The following SMAD3 variants were observed in gnomAD, a reference collection of about 807,000 sequenced individuals.
SMAD3 encodes MAD homolog 3.
In SMAD3, 12 loss-of-function variants were observed where a neutral mutation model predicts 51.8. The ratio of observed to expected loss-of-function variants is 0.23; its 90% CI spans 0.15 to 0.38. The LOEUF (loss-of-function observed/expected upper bound fraction) is 0.38. Ranked by LOEUF, SMAD3 falls within the 10% of genes least tolerant of loss-of-function variation. The pLI is 1.00. For synonymous variants in SMAD3, 238 were observed against 227.7 expected (o/e 1.05, Z -0.41); for missense variants, 294 against 565.6 (o/e 0.52, Z 4.87).
In SMAD3 at chr15:67,181,471, T is replaced by TTGG; in HGVS notation, c.871+18_871+19insTGG. On this transcript the variant is annotated intron_variant, in intron 6 of 8. Transcript: ENST00000327367. ...ACACATCGGTATGGGGTGGCTCCAT[T>TTGG]CCCCGCCCCCCCACCCTGCCCCTGC... 3 of 1,521,110 alleles carry TTGG rather than the reference T, an allele frequency of 2.0e-6. No homozygotes were observed. Among genetic ancestry groups the TTGG allele is most frequent in the Non-Finnish European group, 2.7e-6 (3 of 1,132,012 alleles). The allele number at this position is 1,521,110 out of a possible 1,614,324, so 94.2% of individuals were successfully genotyped here.
At chr15:67,187,133 A>C in intron 7 of SMAD3, 1 of 666,066 alleles carries the variant, frequency 1.5e-6, no homozygotes, top group Non-Finnish European at 2.8e-6. Context: ...CCTTGCAGGT[A>C]TGTCAGTGGC....
chr15:67,170,840 G>C (rs1309259572), intron 5 of SMAD3, among the ~76,000 whole-genome samples: 5 of 152,214 alleles, frequency 3.3e-5, no homozygotes, highest in African/African-American at 4.8e-5. Flanking sequence ...TCCCCTGGGG[G>C]GCGGGTAGAC....
chr15:67,109,230 G>A (rs1960947779), intron 1 of SMAD3, among the ~76,000 whole-genome samples: 1 of 152,166 alleles, frequency 6.6e-6, no homozygotes, highest in South Asian at 2.1e-4. Context: ...TAAGTTCTTT[G>A]TGTGTGCAAA....
At chr15:67,127,399 C>T (rs894496420) in intron 1 of SMAD3, among the ~76,000 whole-genome samples, 30 of 152,196 alleles carry the variant, frequency 2.0e-4, no homozygotes, top group African/African-American at 7.2e-4. Flanking sequence ...AGTCCTGTTC[C>T]TCCTCAGGCA....
chr15:67,088,233 G>A (rs1171414470), intron 1 of SMAD3, among the ~76,000 whole-genome samples: 8 of 152,178 alleles, frequency 5.3e-5, no homozygotes, highest in Non-Finnish European at 5.9e-5. Context: ...CCAGAAGATG[G>A]GTGCACAGTA....
intron 1 of SMAD3, among the ~76,000 whole-genome samples, chr15:67,072,688 G>A (rs567911032): frequency 8.1e-4 from 123 of 152,248 alleles, no homozygotes; most frequent in African/African-American, 2.9e-3. Context: ...AGACGTGAAT[G>A]GCTGGTGCAG....
At chr15:67,112,238 C>T (rs1961033884) in intron 1 of SMAD3, among the ~76,000 whole-genome samples, 1 of 148,132 alleles carries the variant, frequency 6.8e-6, no homozygotes, top group South Asian at 2.1e-4. Flanking sequence ...CAACCTCCGC[C>T]ACCTAGGTTC....
chr15:67,107,011 A>G (rs901053144), intron 1 of SMAD3, among the ~76,000 whole-genome samples: 1 of 152,106 alleles, frequency 6.6e-6, no homozygotes, highest in Non-Finnish European at 1.5e-5. Context: ...CTGAGTTCAC[A>G]GGGCCCCGTC....
rs953247236 is a variant in SMAD3, at chr15:67,165,244, C to A, written c.401-9C>A. 1 of 1,614,204 alleles carries A rather than the reference C, an allele frequency of 6.2e-7. No homozygotes were observed. Among genetic ancestry groups the A allele is most frequent in the African/African-American group, 1.3e-5 (1 of 75,058 alleles). On this transcript the variant is annotated splice_polypyrimidine_tract_variant and intron_variant, in intron 2 of 8. Transcript: ENST00000327367. ...ACTGAGCCACCTCTGCTCTGTCTCCCCCGGACAGTTCTACCTCCTGTGTTG... is the reference window on the plus strand; with the variant it reads ...ACTGAGCCACCTCTGCTCTGTCTCCACCGGACAGTTCTACCTCCTGTGTTG...
chr15:67,120,030 C>T (rs1038179189), intron 1 of SMAD3, among the ~76,000 whole-genome samples: 7 of 152,230 alleles, frequency 4.6e-5, no homozygotes, highest in African/African-American at 1.7e-4. Flanking sequence ...CTCCTGAGCT[C>T]AAGCGATCTG....
chr15:67,179,229 C>G (rs189648512), intron 5 of SMAD3, among the ~76,000 whole-genome samples: 98 of 152,282 alleles, frequency 6.4e-4, no homozygotes, highest in African/African-American at 2.2e-3. Flanking sequence ...GCCCCATGAT[C>G]CAGTTAAATA....
rs151110951 is a variant in SMAD3 at position 67,172,290 on chromosome 15, C to T, written c.658+1686C>T. ...TCCAAAGGGAGGACCCTCCCCGAGC[C>T]TGGCCAGCAGAGAATGAGTGCCACT... is the stretch of plus-strand genomic sequence containing the variant. On this transcript the variant is annotated intron_variant, in intron 5 of 8. Transcript: ENST00000327367. Among the ~76,000 whole-genome samples the T allele has an allele frequency of 3.7e-4, 57 of 152,380 alleles. No individual in the cohort carries two copies. The East Asian group carries it at 7.7e-3, about 21-fold the overall frequency.
intron 5 of SMAD3, among the ~76,000 whole-genome samples, chr15:67,177,343 T>G (rs1175380145): frequency 6.6e-6 from 1 of 151,844 alleles, no homozygotes; most frequent in Non-Finnish European, 1.5e-5. Flanking sequence ...CTTTCCAGAG[T>G]CCTTTTTGTT....
At chr15:67,142,861 C>A in intron 1 of SMAD3, 1 of 454,936 alleles carries the variant, frequency 2.2e-6, no homozygotes, top group South Asian at 1.6e-5. Flanking sequence ...AGCTGGAACA[C>A]AGGGACATGA....
intron 4 of SMAD3, 87 bp downstream of exon 4, chr15:67,166,940 C>T: frequency 9.9e-7 from 1 of 1,006,324 alleles, no homozygotes; most frequent in Non-Finnish European, 1.5e-6. Context: ...TCGCCCTCTC[C>T]CTCCCTCCCT....
intron 1 of SMAD3, among the ~76,000 whole-genome samples, chr15:67,144,578 G>C (rs1595926666): frequency 2.0e-5 from 3 of 152,118 alleles, no homozygotes; most frequent in Admixed American, 2.0e-4. Flanking sequence ...TATGTGCCAG[G>C]CTTGATGGTG....
At chr15:67,125,015 G>C (rs1372450318) in intron 1 of SMAD3, among the ~76,000 whole-genome samples, 1 of 152,236 alleles carries the variant, frequency 6.6e-6, no homozygotes, top group Non-Finnish European at 1.5e-5. Flanking sequence ...AGGGTGCTCT[G>C]TCTGCTTATG....
chr15:67,139,528 A>G (rs1298281848), intron 1 of SMAD3, among the ~76,000 whole-genome samples: 2 of 152,154 alleles, frequency 1.3e-5, no homozygotes, highest in Non-Finnish European at 2.9e-5. Context: ...GGCTGGAATT[A>G]AGGTGTACTT....
chr15:67,113,908 T>C (rs966235680), intron 1 of SMAD3, among the ~76,000 whole-genome samples: 6 of 152,200 alleles, frequency 3.9e-5, no homozygotes, highest in Non-Finnish European at 1.5e-5. Flanking sequence ...GCTTACAAAA[T>C]CTTGATTGAA....
Sources: gnomAD v4.1 joint callset for allele counts (sites outside exome capture counted in the v4.1 genomes callset) on GRCh38, gnomAD v4.1.1 for gene constraint, MANE v1.5 for transcripts, NCBI Gene and HGNC (gene_info 2026-07-23, HGNC 2026-07-21) for gene names.